KDM5B: variants seen among roughly 807,000 people sequenced by gnomAD.
The protein encoded by KDM5B is lysine demethylase 5B.
Under a neutral mutation model 193.4 loss-of-function variants are expected in KDM5B, and 144 were observed. That is an observed-to-expected ratio of 0.74 (90% CI 0.65 to 0.86). KDM5B has a LOEUF of 0.86. Among genes scored for constraint, KDM5B ranks in the 40% least tolerant of loss-of-function variants. The pLI is 0.00. For missense variants in KDM5B, 1,833 were observed against 1,886.9 expected (o/e 0.97, Z 0.53); for synonymous variants, 668 against 682.6 (o/e 0.98, Z 0.33).
At position 202,746,325 on chromosome 1, in the gene KDM5B, T is replaced by C. The variant is rs753777906; in HGVS notation, c.2017-2A>G. The C allele has an allele frequency of 1.3e-6, 2 of 1,593,538 alleles. No individual in the cohort carries two copies. Among genetic ancestry groups the C allele is most frequent in the Admixed American group, 1.8e-5 (1 of 57,068 alleles). ...CATTCTTTCCGAATCAATCACTCCC[T>C]AGAATAAAGTATACTTTAGAGAGAC... On this transcript the variant is annotated splice_acceptor_variant, in intron 14 of 26. Coordinates refer to ENST00000367265, the MANE Select transcript of KDM5B (RefSeq NM_006618.5). LOFTEE classifies it high-confidence loss of function.
At chr1:202,750,612 G>A (rs1432449789) in intron 13 of KDM5B, 47 bp downstream of exon 13, 3 of 1,594,474 alleles carry the variant, frequency 1.9e-6, no homozygotes, top group Non-Finnish European at 2.6e-6. Flanking sequence ...CATTTCCTCA[G>A]GAAAAACAAT....
chr1:202,783,602 G>T (rs1038979428), intron 1 of KDM5B, among the ~76,000 whole-genome samples: 23 of 152,240 alleles, frequency 1.5e-4, no homozygotes, highest in African/African-American at 5.1e-4. Flanking sequence ...TTCAGGCCGG[G>T]TGCAGTGGCT....
At chr1:202,802,747 T>C (rs1203181008) in intron 1 of KDM5B, among the ~76,000 whole-genome samples, 4 of 152,186 alleles carry the variant, frequency 2.6e-5, no homozygotes, top group Admixed American at 6.5e-5. Flanking sequence ...TCTACCCACT[T>C]ATAAATGTAA....
chr1:202,790,948 T>C (rs1461320022), intron 1 of KDM5B, among the ~76,000 whole-genome samples: 1 of 152,114 alleles, frequency 6.6e-6, no homozygotes, highest in Non-Finnish European at 1.5e-5. Flanking sequence ...CAGTCTCAGA[T>C]ATAGTTATAT....
At position 202,764,292 on chromosome 1, in the gene KDM5B, G is replaced by T. The variant is rs984075790; in HGVS notation, c.712-147C>A. ...CATACTTCTCTCTCTTCCTAAGGAA[G>T]AGAGCTCACCTTTGAAACTACTATT... is the stretch of plus-strand genomic sequence containing the variant. On this transcript the variant is annotated intron_variant, in intron 5 of 26. Transcript: ENST00000367265. The T allele has an allele frequency of 1.5e-5, 8 of 527,692 alleles. No individual in the cohort carries two copies. In the African/African-American group the frequency reaches 1.6e-4, roughly 11 times the overall value. 32.7% of individuals were successfully genotyped at this position (527,692 alleles called of 1,614,324 possible).
chr1:202,757,703 T>G (rs1481778650), intron 9 of KDM5B, among the ~76,000 whole-genome samples: 1 of 152,152 alleles, frequency 6.6e-6, no homozygotes, highest in African/African-American at 2.4e-5. Context: ...CACTCATATA[T>G]TGCTGGGATC....
intron 7 of KDM5B, among the ~76,000 whole-genome samples, chr1:202,761,984 A>G (rs1261580422): frequency 1.3e-5 from 2 of 152,106 alleles, no homozygotes; most frequent in Non-Finnish European, 2.9e-5. Flanking sequence ...GCAGAAGGTG[A>G]CATTTATGGA....
intron 8 of KDM5B, among the ~76,000 whole-genome samples, chr1:202,760,092 T>C (rs1656185432): frequency 1.3e-5 from 2 of 152,066 alleles, no homozygotes; most frequent in South Asian, 4.1e-4. Flanking sequence ...GTAGGAGGAC[T>C]ATTTGAGCTT....
intron 4 of KDM5B, among the ~76,000 whole-genome samples, chr1:202,770,235 G>A (rs183460814): frequency 2.6e-5 from 4 of 152,082 alleles, no homozygotes; most frequent in African/African-American, 9.7e-5. Flanking sequence ...AGGACTTACA[G>A]GTGATTAATA....
intron 4 of KDM5B, chr1:202,767,488 G>C: frequency 1.1e-6 from 1 of 908,322 alleles, no homozygotes; most frequent in Non-Finnish European, 1.8e-6. Flanking sequence ...ACCTCACCAA[G>C]ACCTTTTTTT....
chr1:202,798,232 T>C (rs927825431), intron 1 of KDM5B, among the ~76,000 whole-genome samples: 1 of 151,930 alleles, frequency 6.6e-6, no homozygotes, highest in Non-Finnish European at 1.5e-5. Context: ...CAGAAAAGCT[T>C]TGTCTAAACC....
At chr1:202,766,557 A>C in intron 5 of KDM5B, 1 of 419,854 alleles carries the variant, frequency 2.4e-6, no homozygotes, top group East Asian at 7.3e-5. Context: ...TCTTCTAACC[A>C]CTCTGTTTAA....
intron 5 of KDM5B, among the ~76,000 whole-genome samples, chr1:202,764,384 C>T (rs184829028): frequency 8.5e-5 from 13 of 152,276 alleles, no homozygotes; most frequent in Middle Eastern, 3.4e-3. Context: ...CACCTGTAAT[C>T]GCAGCACTTT....
chr1:202,736,316 T>G lies in KDM5B; in HGVS notation c.3161A>C (p.Asn1054Thr), dbSNP rs775582748. The change falls in exon 21 of 27, where the codon AAT becomes ACT. Residue 1054 changes from asparagine (N) to threonine (T), a missense_variant. Transcript: ENST00000367265. ...TAGGGTTTCCAGTCTTGGCAAAGAATTCAGATGTACGGGGATAGATCGGCC... is the reference window on the plus strand; with the variant it reads ...TAGGGTTTCCAGTCTTGGCAAAGAAGTCAGATGTACGGGGATAGATCGGCC... ...TRGRSIPVHLNSLPRLETLVA... is the reference protein window; with the variant it reads ...TRGRSIPVHLTSLPRLETLVA... 1 of 1,613,054 alleles carries G rather than the reference T, an allele frequency of 6.2e-7. No individual in the cohort carries two copies. Among genetic ancestry groups the G allele is most frequent in the Non-Finnish European group, 8.5e-7 (1 of 1,179,508 alleles).
At chr1:202,731,979 G>A (rs1654902727) in intron 23 of KDM5B, 40 bp from the exon 24 acceptor site, 1 of 1,258,278 alleles carries the variant, frequency 7.9e-7, no homozygotes, top group Non-Finnish European at 1.1e-6. Flanking sequence ...ATCTCTTCAG[G>A]ATTAAAAATA....
chr1:202,789,245 C>A (rs1047141160), intron 1 of KDM5B, among the ~76,000 whole-genome samples: 1 of 152,152 alleles, frequency 6.6e-6, no homozygotes, highest in Non-Finnish European at 1.5e-5. Context: ...GGGCCGGGCA[C>A]AGTGGCTCAT....
intron 24 of KDM5B, 89 bp from the exon 25 acceptor site, chr1:202,731,152 C>T (rs1025919748): frequency 3.0e-6 from 3 of 1,000,670 alleles, no homozygotes; most frequent in Admixed American, 2.6e-5. Flanking sequence ...GAAGGACTGC[C>T]CCTAATACCA....
At chr1:202,735,731 G>T in intron 21 of KDM5B, 144 bp from the exon 22 acceptor site, 1 of 699,132 alleles carries the variant, frequency 1.4e-6, no homozygotes. Flanking sequence ...GCAACCCTGA[G>T]GCTCTCCTTT....
At chr1:202,737,776 A>G (rs186148682) in intron 20 of KDM5B, among the ~76,000 whole-genome samples, 29 of 152,314 alleles carry the variant, frequency 1.9e-4, no homozygotes, top group African/African-American at 6.5e-4. Context: ...GGTGGGGAGG[A>G]AAACGCTACA....
Sources: gnomAD v4.1 joint callset for allele counts (sites outside exome capture counted in the v4.1 genomes callset) on GRCh38, gnomAD v4.1.1 for gene constraint, MANE v1.5 for transcripts, NCBI Gene and HGNC (gene_info 2026-07-23, HGNC 2026-07-21) for gene names.